Variants in PLXDC2 observed in about 807,000 individuals in gnomAD.
PLXDC2 encodes the protein plexin domain-containing protein 2.
In PLXDC2, 40 loss-of-function variants were observed where a neutral mutation model predicts 68.9. The ratio of observed to expected loss-of-function variants is 0.58; its 90% CI spans 0.45 to 0.76. PLXDC2 has a LOEUF of 0.76. PLXDC2 is among the 30% of genes least tolerant of loss of function. The pLI is 0.00. For synonymous variants in PLXDC2, 243 were observed against 234.2 expected (o/e 1.04, Z -0.34); for missense variants, 644 against 661.9 (o/e 0.97, Z 0.30).
Position 20,164,533 on chromosome 10 carries a change from A to G in PLXDC2, c.849A>G (p.Ala283=). 6.2e-7 allele frequency: 1 copy of G among 1,613,592 alleles called. No individual in the cohort carries two copies. Among genetic ancestry groups the G allele is most frequent in the South Asian group, 1.1e-5 (1 of 91,076 alleles). Residue 283 remains alanine, a synonymous_variant, in exon 7 of 14, where the codon GCA becomes GCG. Transcript: ENST00000377252. ...NHPVKVGLSD[A]FVVVHRIQQI... ...CAGTGAAAGTCGGACTGTCCGATGC[A>G]TTTGTCGTTGTCCACAGGATCCAAC...
At chr10:20,004,342 T>C (rs1261882150) in intron 2 of PLXDC2, among the ~76,000 whole-genome samples, 1 of 152,198 alleles carries the variant, frequency 6.6e-6, no homozygotes, top group Non-Finnish European at 1.5e-5. Context: ...AGAAGTCTTA[T>C]GATATCTATA....
chr10:19,895,668 C>T (rs765926248), intron 1 of PLXDC2, among the ~76,000 whole-genome samples: 30 of 152,010 alleles, frequency 2.0e-4, no homozygotes, highest in Admixed American at 9.8e-4. Context: ...TAGTGGCCAC[C>T]GCCTTAGACA....
chr10:20,047,890 G>A (rs1374725147), intron 3 of PLXDC2, among the ~76,000 whole-genome samples: 1 of 152,126 alleles, frequency 6.6e-6, no homozygotes, highest in African/African-American at 2.4e-5. Flanking sequence ...CTCAAATTGT[G>A]TGTGTAAAAT....
chr10:20,168,755 T>A (rs1182305680), intron 7 of PLXDC2, among the ~76,000 whole-genome samples: 2 of 152,162 alleles, frequency 1.3e-5, no homozygotes, highest in African/African-American at 4.8e-5. Context: ...AAAAATATAC[T>A]TATTATGATT....
intron 4 of PLXDC2, among the ~76,000 whole-genome samples, chr10:20,112,116 T>C (rs545738934): frequency 1.4e-4 from 22 of 152,222 alleles, no homozygotes; most frequent in African/African-American, 5.1e-4. Context: ...CGTCTGCAAG[T>C]CAGGAAGAGA....
chr10:20,140,405 A>ATATC (rs71390760), intron 4 of PLXDC2, among the ~76,000 whole-genome samples: 1,357 of 12,522 alleles, frequency 0.11, 6 homozygotes, highest in East Asian at 0.26. Context: ...TATATATAAA[A>ATATC]TATCTATCTA....
intron 9 of PLXDC2, among the ~76,000 whole-genome samples, chr10:20,184,410 A>G (rs920547714): frequency 2.7e-5 from 4 of 149,348 alleles, no homozygotes; most frequent in Non-Finnish European, 3.0e-5. Context: ...CAAACGATAT[A>G]TAGTTTTACA....
At chr10:19,971,873 G>A (rs1303891088) in intron 1 of PLXDC2, among the ~76,000 whole-genome samples, 2 of 152,086 alleles carry the variant, frequency 1.3e-5, no homozygotes, top group Non-Finnish European at 2.9e-5. Flanking sequence ...TCATTGCCAT[G>A]CCGAGAGGAA....
chr10:19,900,631 T>G (rs368866581), intron 1 of PLXDC2, among the ~76,000 whole-genome samples: 1 of 152,042 alleles, frequency 6.6e-6, no homozygotes, highest in South Asian at 2.1e-4. Flanking sequence ...CAATAGGTTT[T>G]GGGGGAGTAG....
At chr10:20,000,591 T>C (rs544839842) in intron 1 of PLXDC2, among the ~76,000 whole-genome samples, 2 of 152,206 alleles carry the variant, frequency 1.3e-5, no homozygotes, top group African/African-American at 2.4e-5. Flanking sequence ...CCAAATAATA[T>C]CCTCTCTGTC....
intron 1 of PLXDC2, among the ~76,000 whole-genome samples, chr10:19,861,513 G>A (rs1324327782): frequency 6.6e-6 from 1 of 152,066 alleles, no homozygotes; most frequent in Non-Finnish European, 1.5e-5. Context: ...CCTTTAATTA[G>A]CACAACATTC....
At chr10:19,941,210 G>T (rs1657013684) in intron 1 of PLXDC2, among the ~76,000 whole-genome samples, 1 of 152,194 alleles carries the variant, frequency 6.6e-6, no homozygotes, top group Non-Finnish European at 1.5e-5. Flanking sequence ...ATGTGCAAAA[G>T]GCAGTACCGT....
chr10:19,831,607 C>A (rs1222452993), intron 1 of PLXDC2, among the ~76,000 whole-genome samples: 1 of 152,108 alleles, frequency 6.6e-6, no homozygotes, highest in Non-Finnish European at 1.5e-5. Flanking sequence ...CTCAGATAGA[C>A]CCCAGTGTCT....
At chr10:20,079,318 C>A (rs543758038) in intron 4 of PLXDC2, among the ~76,000 whole-genome samples, 6 of 152,146 alleles carry the variant, frequency 3.9e-5, no homozygotes, top group Non-Finnish European at 8.8e-5. Context: ...CCAGCTCATG[C>A]TGGTTAGAAT....
At chr10:19,836,268 C>T (rs934504791) in intron 1 of PLXDC2, among the ~76,000 whole-genome samples, 5 of 151,766 alleles carry the variant, frequency 3.3e-5, no homozygotes, top group Admixed American at 2.0e-4. Flanking sequence ...GGTTTTTTGC[C>T]GGCAAAGGAG....
At chr10:19,986,572 A>T (rs1292639118) in intron 1 of PLXDC2, among the ~76,000 whole-genome samples, 3 of 151,870 alleles carry the variant, frequency 2.0e-5, no homozygotes, top group Admixed American at 6.6e-5. Flanking sequence ...AAGACATACA[A>T]AAAGAAATGA....
At position 19,947,578 on chromosome 10, in the gene PLXDC2, G is replaced by GA. The variant is rs547816314; in HGVS notation, c.113-54191dup. 7.9e-5 allele frequency among the ~76,000 whole-genome samples: 12 copies of GA among 151,952 alleles called. No homozygotes were observed. The East Asian group carries it at 2.1e-3, about 27-fold the overall frequency. ...ATTATTAGATCCACATTTCTTTTTG[G>GA]AAAAAATTGACCTGTCTCATTGAAT... On this transcript the variant is annotated intron_variant, in intron 1 of 13. Coordinates refer to ENST00000377252, the MANE Select transcript of PLXDC2 (RefSeq NM_032812.9).
intron 4 of PLXDC2, among the ~76,000 whole-genome samples, chr10:20,084,684 G>T (rs1467428006): frequency 6.6e-6 from 1 of 152,004 alleles, no homozygotes; most frequent in Non-Finnish European, 1.5e-5. Context: ...CAGACCATGA[G>T]ATTCCTCTAA....
At chr10:19,949,956 A>T (rs1200253776) in intron 1 of PLXDC2, among the ~76,000 whole-genome samples, 2 of 152,212 alleles carry the variant, frequency 1.3e-5, no homozygotes, top group Admixed American at 6.5e-5. Context: ...TATTGATGGG[A>T]AGACTGTCTT....
Sources: gnomAD v4.1 joint callset for allele counts (sites outside exome capture counted in the v4.1 genomes callset) on GRCh38, gnomAD v4.1.1 for gene constraint, MANE v1.5 for transcripts, NCBI Gene and HGNC (gene_info 2026-07-23, HGNC 2026-07-21) for gene names.